The following EIF4G3 variants were observed in gnomAD, a reference collection of about 807,000 sequenced individuals.
EIF4G3 encodes eIF-4-gamma 3.
Under a neutral mutation model 186.4 loss-of-function variants are expected in EIF4G3, and 34 were observed. The ratio of observed to expected loss-of-function variants is 0.18; its 90% CI spans 0.14 to 0.24. The LOEUF is 0.24. EIF4G3 is among the 10% of genes least tolerant of loss of function. The pLI is 1.00. For synonymous variants in EIF4G3, 673 were observed against 679.5 expected (o/e 0.99, Z 0.15); for missense variants, 1,536 against 1,948.5 (o/e 0.79, Z 3.99).
chr1:20,977,891 A>G (rs2077170492), intron 10 of EIF4G3, among the ~76,000 whole-genome samples: 1 of 152,212 alleles, frequency 6.6e-6, no homozygotes, highest in African/African-American at 2.4e-5. Flanking sequence ...GCACAGACTT[A>G]CAGCAGGAAA....
intron 34 of EIF4G3, 85 bp from the exon 35 acceptor site, chr1:20,813,324 G>GATT: frequency 1.1e-6 from 1 of 950,172 alleles, no homozygotes; most frequent in Non-Finnish European, 1.6e-6. Context: ...AACACTTTGG[G>GATT]AGGCCGAGAC....
At chr1:21,091,587 A>T (rs533560562) in intron 2 of EIF4G3, among the ~76,000 whole-genome samples, 41 of 151,946 alleles carry the variant, frequency 2.7e-4, no homozygotes, top group East Asian at 1.7e-3. Context: ...TTAAAAAAAA[A>T]TTTTTTTTCC....
chr1:21,022,406 ACT>A (rs1282156258), intron 4 of EIF4G3, among the ~76,000 whole-genome samples: 1 of 152,176 alleles, frequency 6.6e-6, no homozygotes. Context: ...CGTAGTACTT[ACT>A]CTGTCGAGAA....
intron 14 of EIF4G3, among the ~76,000 whole-genome samples, chr1:20,921,999 T>C (rs1055384048): frequency 6.6e-6 from 1 of 152,240 alleles, no homozygotes; most frequent in Non-Finnish European, 1.5e-5. Context: ...CAACATCCTT[T>C]CAATTCACCA....
chr1:20,907,529 T>A (rs1229574103), intron 14 of EIF4G3, among the ~76,000 whole-genome samples: 2 of 151,320 alleles, frequency 1.3e-5, no homozygotes, highest in Non-Finnish European at 2.9e-5. Flanking sequence ...CTCCTAATGC[T>A]ATCCCTCCCC....
intron 23 of EIF4G3, among the ~76,000 whole-genome samples, chr1:20,861,850 T>C (rs1199910157): frequency 6.6e-6 from 1 of 152,100 alleles, no homozygotes; most frequent in Non-Finnish European, 1.5e-5. Flanking sequence ...GGCATGTGCC[T>C]GTAATCCCAG....
intron 2 of EIF4G3, among the ~76,000 whole-genome samples, chr1:21,128,040 T>TA (rs951101425): frequency 8.1e-5 from 12 of 148,044 alleles, no homozygotes; most frequent in Non-Finnish European, 1.3e-4. Context: ...CCATCTCTAA[T>TA]AAAAAAAATA....
At chr1:20,959,721 C>T (rs1364866452) in intron 12 of EIF4G3, among the ~76,000 whole-genome samples, 1 of 150,850 alleles carries the variant, frequency 6.6e-6, no homozygotes, top group Non-Finnish European at 1.5e-5. Context: ...GGGCAAAGGA[C>T]ATGAATAGAC....
At chr1:21,121,906 C>A (rs891974169) in intron 2 of EIF4G3, among the ~76,000 whole-genome samples, 10 of 152,236 alleles carry the variant, frequency 6.6e-5, no homozygotes, top group Non-Finnish European at 1.3e-4. Flanking sequence ...TGCCTTCCAA[C>A]CTTGAAGATT....
intron 2 of EIF4G3, among the ~76,000 whole-genome samples, chr1:21,131,943 G>A (rs2097161089): frequency 6.6e-6 from 1 of 151,864 alleles, no homozygotes; most frequent in African/African-American, 2.4e-5. Flanking sequence ...CTGCACTCCA[G>A]CCTGGGAAAC....
intron 2 of EIF4G3, among the ~76,000 whole-genome samples, chr1:21,126,756 A>G (rs1262851401): frequency 6.6e-6 from 1 of 152,094 alleles, no homozygotes; most frequent in Non-Finnish European, 1.5e-5. Flanking sequence ...CAATTGATGA[A>G]GTACAGTTGT....
intron 15 of EIF4G3, among the ~76,000 whole-genome samples, chr1:20,904,334 A>G (rs914989097): frequency 1.3e-5 from 2 of 152,176 alleles, no homozygotes; most frequent in Non-Finnish European, 2.9e-5. Context: ...AGGAAGGTTA[A>G]CCAAAAATTG....
intron 20 of EIF4G3, among the ~76,000 whole-genome samples, chr1:20,868,341 G>A (rs1406238166): frequency 6.6e-6 from 1 of 152,068 alleles, no homozygotes; most frequent in African/African-American, 2.4e-5. Flanking sequence ...TGTACTGGCA[G>A]ATTAAGTTCT....
chr1:20,823,997 G>A (rs953078671), intron 33 of EIF4G3, among the ~76,000 whole-genome samples: 15 of 152,178 alleles, frequency 9.9e-5, no homozygotes, highest in Non-Finnish European at 1.9e-4. Context: ...ATACTGAACT[G>A]GGACTAAGTC....
chr1:20,897,027 C>T (rs2088443637), intron 16 of EIF4G3, among the ~76,000 whole-genome samples: 3 of 152,124 alleles, frequency 2.0e-5, no homozygotes, highest in South Asian at 2.1e-4. Flanking sequence ...AACAAATCAC[C>T]GTCATTAAAT....
chr1:20,930,751 ACTT>A (rs1395299006), intron 14 of EIF4G3, among the ~76,000 whole-genome samples: 13 of 152,152 alleles, frequency 8.5e-5, no homozygotes, highest in Admixed American at 8.5e-4. Flanking sequence ...ATCTGCACTT[ACTT>A]CTTCTACTGA....
At chr1:21,140,795 T>C (rs2097324358) in intron 2 of EIF4G3, among the ~76,000 whole-genome samples, 1 of 152,222 alleles carries the variant, frequency 6.6e-6, no homozygotes, top group Admixed American at 6.5e-5. Context: ...TACTTCCCTA[T>C]TTTATAAACA....
intron 10 of EIF4G3, among the ~76,000 whole-genome samples, chr1:20,977,311 C>T (rs1395436579): frequency 6.6e-6 from 1 of 151,862 alleles, no homozygotes; most frequent in East Asian, 1.9e-4. Context: ...CTCAGCCTCC[C>T]GAGTAGCTGG....
At chr1:21,039,307 T>C (rs188291428) in intron 4 of EIF4G3, among the ~76,000 whole-genome samples, 39 of 152,294 alleles carry the variant, frequency 2.6e-4, no homozygotes, top group Admixed American at 5.9e-4. Context: ...AAATGAATCA[T>C]AGTTCCATTC....
Sources: allele counts gnomAD v4.1 joint callset (sites outside exome capture counted in the v4.1 genomes callset), GRCh38; gene constraint gnomAD v4.1.1; transcripts MANE v1.5; gene names NCBI Gene and HGNC (gene_info 2026-07-23, HGNC 2026-07-21).